Variants in FOXO1 observed in about 807,000 individuals in gnomAD.
FOXO1 encodes forkhead box O1, also known as forkhead box protein O1.
A neutral mutation model predicts 44.1 loss-of-function variants in FOXO1; 6 were observed. The ratio of observed to expected loss-of-function variants is 0.14; its 90% CI spans 0.07 to 0.27. The LOEUF is 0.27. FOXO1 is among the 10% of genes least tolerant of loss of function. FOXO1 has a pLI of 1.00. For missense variants in FOXO1, 737 were observed against 888.8 expected (o/e 0.83, Z 2.17); for synonymous variants, 380 against 362.7 (o/e 1.05, Z -0.54).
At chr13:40,629,944 C>CA (rs1187818434) in intron 1 of FOXO1, among the ~76,000 whole-genome samples, 1 of 152,208 alleles carries the variant, frequency 6.6e-6, no homozygotes, top group Non-Finnish European at 1.5e-5. Flanking sequence ...GGACCTACAA[C>CA]AAGTAGCCTG....
chr13:40,568,841 T>C (rs1593381762), intron 1 of FOXO1, among the ~76,000 whole-genome samples: 1 of 152,084 alleles, frequency 6.6e-6, no homozygotes, highest in Non-Finnish European at 1.5e-5. Flanking sequence ...AACCGGAAGG[T>C]ACTTCGAAGG....
At chr13:40,647,412 T>C (rs781327461) in intron 1 of FOXO1, among the ~76,000 whole-genome samples, 39 of 152,254 alleles carry the variant, frequency 2.6e-4, no homozygotes, top group Non-Finnish European at 5.3e-4. Flanking sequence ...TTTCTTCCCC[T>C]CCCCTGCCCA....
chr13:40,616,827 C>G (rs79951122), intron 1 of FOXO1, among the ~76,000 whole-genome samples: 2 of 152,112 alleles, frequency 1.3e-5, no homozygotes, highest in Non-Finnish European at 2.9e-5. Context: ...ACATGGCAGT[C>G]TAGATCCGGA....
intron 1 of FOXO1, among the ~76,000 whole-genome samples, chr13:40,636,426 C>G (rs1355130194): frequency 6.6e-6 from 1 of 151,718 alleles, no homozygotes; most frequent in Non-Finnish European, 1.5e-5. Flanking sequence ...TCTCAGCACT[C>G]TGGGAGGCCA....
intron 1 of FOXO1, among the ~76,000 whole-genome samples, chr13:40,628,460 C>T (rs1465960505): frequency 2.6e-5 from 4 of 151,958 alleles, no homozygotes; most frequent in Admixed American, 2.6e-4. Context: ...CTGTACAACC[C>T]CCTCATCCCT....
intron 1 of FOXO1, among the ~76,000 whole-genome samples, chr13:40,606,009 T>C (rs1293935078): frequency 6.6e-6 from 1 of 152,182 alleles, no homozygotes; most frequent in East Asian, 1.9e-4. Context: ...AACAATAATG[T>C]AGTGGAATTT....
intron 1 of FOXO1, among the ~76,000 whole-genome samples, chr13:40,663,047 C>A (rs912445769): frequency 1.3e-5 from 2 of 152,170 alleles, no homozygotes; most frequent in African/African-American, 4.8e-5. Flanking sequence ...GTACTTGCTG[C>A]AATCAGACTT....
At chr13:40,611,575 C>T (rs986056418) in intron 1 of FOXO1, among the ~76,000 whole-genome samples, 5 of 152,194 alleles carry the variant, frequency 3.3e-5, no homozygotes, top group African/African-American at 7.2e-5. Flanking sequence ...TAGAGGGGTT[C>T]ACGTGGACTT....
Position 40,665,928 on chromosome 13 carries a change from C to G in FOXO1, c.285G>C (p.Ala95=). 1 of 1,210,148 alleles carries G rather than the reference C, an allele frequency of 8.3e-7. No homozygotes were observed. Among genetic ancestry groups the G allele is most frequent in the Non-Finnish European group, 1.0e-6 (1 of 976,940 alleles). The allele number at this position is 1,210,148 out of a possible 1,614,324, so 75.0% of individuals were successfully genotyped here. The change falls in exon 1 of 3, where the codon GCG becomes GCC. Residue 95 remains alanine (A), a synonymous_variant. Transcript: ENST00000379561. ...QAPGSVAAAV[A]AAAAAAATGG... ...CGGTGGCGGCCGCGGCGGCCGCCGC[C>G]GCCACCGCCGCCGCCACGGAGCCGG...
intron 1 of FOXO1, chr13:40,621,185 C>A: frequency 1.7e-6 from 1 of 579,982 alleles, no homozygotes; most frequent in Non-Finnish European, 3.1e-6. Flanking sequence ...CAGGTAAAAT[C>A]TGTAGTGTTT....
At position 40,665,890 on chromosome 13, in the gene FOXO1, C is replaced by T; in HGVS notation, c.323G>A (p.Gly108Glu). 2 of 1,157,958 alleles carry T rather than the reference C, an allele frequency of 1.7e-6. No homozygotes were observed. The highest frequency in any genetic ancestry group is 8.4e-5 in the South Asian group (2 of 23,808). The allele number at this position is 1,157,958 out of a possible 1,614,324, so 71.7% of individuals were successfully genotyped here. A position where few individuals can be genotyped will look rare whatever the true frequency, so the allele number is the denominator to read the frequency against. ...AAAAATGGLCGDFQGPEAGCL... is the reference protein window; with the variant it reads ...AAAAATGGLCEDFQGPEAGCL... ...GCCCGCCTCCGGGCCCTGGAAGTCC[C>T]CGCACAGCCCCCCGGTGGCGGCCGC... Residue 108 changes from glycine to glutamate, a missense_variant, in exon 1 of 3, where the codon GGG (glycine) becomes GAG (glutamate). Coordinates refer to ENST00000379561, the MANE Select transcript of FOXO1 (RefSeq NM_002015.4).
chr13:40,560,854 T>C lies in FOXO1; in HGVS notation c.637A>G (p.Ile213Val), dbSNP rs1178458390. The C allele has an allele frequency of 3.1e-6, 5 of 1,600,998 alleles. No individual in the cohort carries two copies. The highest frequency in any genetic ancestry group is 4.3e-6 in the Non-Finnish European group (5 of 1,174,514). ...SNSSAGWKNSIRHNLSLHSKF... is the reference protein window; with the variant it reads ...SNSSAGWKNSVRHNLSLHSKF... ...CTGTGTAGGGACAGATTATGACGAA[T>C]TGAATTCTGTAAGGCAAAACATCTT... The change falls in exon 2 of 3, where the codon ATT (isoleucine) becomes GTT (valine). Residue 213 changes from isoleucine (I) to valine (V), a missense_variant. Physicochemically the swap from Ile to Val is conservative, Grantham distance 29. This residue lies in a region of FOXO1 where 49 missense variants were observed against 50.2 expected (regional missense o/e 0.98). Transcript: ENST00000379561. The surrounding 1 kb of genome is among the most constrained non-coding windows in gnomAD (Gnocchi z 5.1).
chr13:40,576,277 A>G (rs1874739923), intron 1 of FOXO1, among the ~76,000 whole-genome samples: 1 of 152,134 alleles, frequency 6.6e-6, no homozygotes, highest in African/African-American at 2.4e-5. Flanking sequence ...TTAACACAGC[A>G]GCATGTTTTT....
intron 1 of FOXO1, among the ~76,000 whole-genome samples, chr13:40,584,154 G>A (rs1208450814): frequency 6.6e-6 from 1 of 151,952 alleles, no homozygotes; most frequent in Non-Finnish European, 1.5e-5. Flanking sequence ...GTCTTATATG[G>A]GTATTAGAAT....
At chr13:40,657,384 T>A (rs1359418038) in intron 1 of FOXO1, among the ~76,000 whole-genome samples, 1 of 149,852 alleles carries the variant, frequency 6.7e-6, no homozygotes, top group East Asian at 2.0e-4. Context: ...AGTGGCGTGA[T>A]CTCGGCTAAC....
chr13:40,619,749 A>G, intron 1 of FOXO1: 1 of 884,564 alleles, frequency 1.1e-6, no homozygotes, highest in South Asian at 1.3e-5. Flanking sequence ...TAGGAAGATT[A>G]AAAAATGGAA....
At chr13:40,619,039 C>A in intron 1 of FOXO1, 1 of 483,296 alleles carries the variant, frequency 2.1e-6, no homozygotes, top group South Asian at 1.6e-5. Context: ...GTAATCCCAG[C>A]ACTTTGGGAG....
intron 1 of FOXO1, among the ~76,000 whole-genome samples, chr13:40,584,501 A>AAAAAAAAGC (rs1555248680): frequency 1.8e-4 from 21 of 117,244 alleles, no homozygotes; most frequent in East Asian, 3.4e-4. Context: ...AAAAAAAAAA[A>AAAAAAAAGC]GCCAGATGCA....
At chr13:40,641,978 T>C (rs574005285) in intron 1 of FOXO1, among the ~76,000 whole-genome samples, 28 of 152,088 alleles carry the variant, frequency 1.8e-4, no homozygotes, top group Non-Finnish European at 3.8e-4. Flanking sequence ...ACAGCAATAC[T>C]CCATCTCAAA....
Sources: allele counts gnomAD v4.1 joint callset (sites outside exome capture counted in the v4.1 genomes callset), GRCh38; gene constraint gnomAD v4.1.1; regional missense constraint gnomAD v4.1.1; non-coding constraint Gnocchi (gnomAD v3.1); transcripts MANE v1.5; gene names NCBI Gene and HGNC (gene_info 2026-07-23, HGNC 2026-07-21).